Variants in GHR observed in about 807,000 individuals in gnomAD.
GHR encodes growth hormone receptor, also known as GH receptor.
Under a neutral mutation model 67.1 loss-of-function variants are expected in GHR, and 35 were observed. The ratio of observed to expected loss-of-function variants is 0.52; its 90% CI spans 0.40 to 0.69. The LOEUF (loss-of-function observed/expected upper bound fraction) is 0.69, where lower values mean the gene tolerates loss of function less well. Ranked by LOEUF, GHR falls within the 30% of genes least tolerant of loss-of-function variation. The probability of loss-of-function intolerance (pLI) is 0.00; values close to 1 mark genes in which losing one functional copy is unlikely to be tolerated. For synonymous variants in GHR, 272 were observed against 269.1 expected (o/e 1.01, Z -0.10); for missense variants, 792 against 764.6 (o/e 1.04, Z -0.42).
chr5:42,448,130 G>T (rs767590524), intron 1 of GHR, among the ~76,000 whole-genome samples: 1 of 152,020 alleles, frequency 6.6e-6, no homozygotes, highest in Non-Finnish European at 1.5e-5. Flanking sequence ...TTGCTGAATC[G>T]AATGGTATTT....
intron 1 of GHR, chr5:42,549,798 C>A (rs1328843706): frequency 2.7e-5 from 8 of 297,446 alleles, no homozygotes; most frequent in Non-Finnish European, 4.0e-5. Context: ...TTAAGAAAAT[C>A]ACTGTGGTGT....
chr5:42,719,119 G>C lies in GHR; in HGVS notation c.1612G>C (p.Ala538Pro). 6.2e-7 allele frequency: 1 copy of C among 1,614,062 alleles called. No individual in the cohort carries two copies. Among genetic ancestry groups the C allele is most frequent in the Non-Finnish European group, 8.5e-7 (1 of 1,179,960 alleles). Residue 538 changes from alanine (A) to proline (P), a missense_variant, in exon 10 of 10, where the codon GCA (alanine) becomes CCA (proline). Physicochemically the swap from Ala to Pro is conservative, Grantham distance 27. Transcript: ENST00000230882. ...TATGGACAATGCCTACTTCTGTGAG[G>C]CAGATGCCAAAAAGTGCATCCCTGT... ...FLMDNAYFCE[A>P]DAKKCIPVAP...
intron 3 of GHR, among the ~76,000 whole-genome samples, chr5:42,687,213 A>T (rs1757203178): frequency 6.6e-6 from 1 of 152,246 alleles, no homozygotes; most frequent in Non-Finnish European, 1.5e-5. Context: ...ATGGATAGGA[A>T]GAATCAATAT....
intron 1 of GHR, among the ~76,000 whole-genome samples, chr5:42,437,481 T>G (rs548419933): frequency 3.3e-5 from 5 of 152,146 alleles, no homozygotes; most frequent in African/African-American, 1.2e-4. Flanking sequence ...ACACAGCAGT[T>G]CTGAGAAAAT....
intron 3 of GHR, among the ~76,000 whole-genome samples, chr5:42,636,374 C>T (rs1754193374): frequency 1.3e-5 from 2 of 152,194 alleles, no homozygotes; most frequent in South Asian, 4.1e-4. Context: ...GACAAACATT[C>T]TTTCACCCTG....
intron 3 of GHR, among the ~76,000 whole-genome samples, chr5:42,655,198 T>G (rs1755194808): frequency 6.6e-6 from 1 of 152,166 alleles, no homozygotes; most frequent in Non-Finnish European, 1.5e-5. Flanking sequence ...GCTCTAATAT[T>G]TGGGCCCTTC....
At position 42,565,484 on chromosome 5, in the gene GHR, C is replaced by T. The variant is rs549714669; in HGVS notation, c.-11-380C>T. 2.7e-5 allele frequency: 27 copies of T among 985,106 alleles called. No homozygotes were observed. The South Asian group carries it at 1.2e-3, about 45-fold the overall frequency. The allele number at this position is 985,106 out of a possible 1,614,324, so 61.0% of individuals were successfully genotyped here. On this transcript the variant is annotated intron_variant, in intron 1 of 9. Coordinates refer to ENST00000230882, the MANE Select transcript of GHR (RefSeq NM_000163.5). ...GGCCTGTCCAGCTCAAGGCCCCATG[C>T]TTTCTGATACTGCTGATAAGGTTTT...
At position 42,424,689 on chromosome 5, in the gene GHR, G is replaced by T. The variant is rs1341424727; in HGVS notation, c.-12+734G>T. 1 of 1,243,382 alleles carries T rather than the reference G, an allele frequency of 8.0e-7. No homozygotes were observed. The highest frequency in any genetic ancestry group is 2.0e-5 in the Admixed American group (1 of 50,636). 77.0% of individuals were successfully genotyped at this position (1,243,382 alleles called of 1,614,324 possible). A position where few individuals can be genotyped will look rare whatever the true frequency, so the allele number is the denominator to read the frequency against. ...CCAGGCTTAAAGTTTTGACAGAACT[G>T]CCAGAGGCTGCGGGTCAATGGGGTG... On this transcript the variant is annotated intron_variant, in intron 1 of 9. Coordinates refer to ENST00000230882, the MANE Select transcript of GHR (RefSeq NM_000163.5). The surrounding 1 kb of genome is among the most constrained non-coding windows in gnomAD (Gnocchi z 4.1).
intron 1 of GHR, among the ~76,000 whole-genome samples, chr5:42,435,781 T>A (rs572835831): frequency 6.6e-6 from 1 of 152,358 alleles, no homozygotes; most frequent in Non-Finnish European, 1.5e-5. Context: ...GATTTTTAAA[T>A]ACTGTGCATG....
chr5:42,474,321 G>GAAAGAAAGAAAGA (rs1745183558), intron 1 of GHR, among the ~76,000 whole-genome samples: 1 of 136,218 alleles, frequency 7.3e-6, no homozygotes, highest in Non-Finnish European at 1.6e-5. Flanking sequence ...AAGAAAGAAA[G>GAAAGAAAGAAAGA]AAAGAAAGAA....
chr5:42,645,905 C>T (rs953109226), intron 3 of GHR, among the ~76,000 whole-genome samples: 1 of 152,168 alleles, frequency 6.6e-6, no homozygotes. Flanking sequence ...CTCATTTGCA[C>T]CATATGCATC....
chr5:42,666,018 T>G (rs536451125), intron 3 of GHR, among the ~76,000 whole-genome samples: 9 of 152,210 alleles, frequency 5.9e-5, no homozygotes, highest in Admixed American at 3.9e-4. Flanking sequence ...ATGCGGATTA[T>G]GGGAGGTGCA....
At chr5:42,435,347 G>A (rs1234880088) in intron 1 of GHR, among the ~76,000 whole-genome samples, 1 of 152,136 alleles carries the variant, frequency 6.6e-6, no homozygotes. Flanking sequence ...ATATCTAGAT[G>A]ATTATTAGCA....
intron 1 of GHR, among the ~76,000 whole-genome samples, chr5:42,556,002 C>T (rs1010333412): frequency 3.1e-4 from 47 of 152,262 alleles, no homozygotes; most frequent in African/African-American, 9.6e-4. Context: ...TGTCAGGTTA[C>T]GGGATTGCTG....
At chr5:42,631,660 G>A (rs1189350441) in intron 3 of GHR, among the ~76,000 whole-genome samples, 2 of 152,184 alleles carry the variant, frequency 1.3e-5, no homozygotes, top group African/African-American at 4.8e-5. Context: ...CACATGAAAA[G>A]TTAGTGTTTA....
At chr5:42,467,163 G>A (rs1355951740) in intron 1 of GHR, 1 of 1,599,066 alleles carries the variant, frequency 6.3e-7, no homozygotes, top group Non-Finnish European at 8.6e-7. Context: ...GAATTCTCTG[G>A]TGGACAAAAA....
At chr5:42,658,282 C>T (rs76112355) in intron 3 of GHR, among the ~76,000 whole-genome samples, 2,443 of 152,206 alleles carry the variant, frequency 0.016, 106 homozygotes, top group East Asian at 0.14. Context: ...GGGAAGAAAA[C>T]TTTGAAGTGG....
chr5:42,683,988 C>CAAA (rs1468583102), intron 3 of GHR, among the ~76,000 whole-genome samples: 2 of 151,226 alleles, frequency 1.3e-5, no homozygotes, highest in African/African-American at 2.4e-5. Flanking sequence ...TTTCAGCTGA[C>CAAA]AAAGTTTTTT....
chr5:42,588,526 C>CAAAAAAAA (rs10716908), intron 2 of GHR, among the ~76,000 whole-genome samples: 5 of 45,120 alleles, frequency 1.1e-4, no homozygotes, highest in Admixed American at 3.4e-4. Context: ...AACTCCATCT[C>CAAAAAAAA]AAAAAAAAAA....
Sources: gnomAD v4.1 joint callset for allele counts (sites outside exome capture counted in the v4.1 genomes callset) on GRCh38, gnomAD v4.1.1 for gene constraint, Gnocchi (gnomAD v3.1) non-coding constraint, MANE v1.5 for transcripts, NCBI Gene and HGNC (gene_info 2026-07-23, HGNC 2026-07-21) for gene names.